VPS13B: variants seen among roughly 807,000 people sequenced by gnomAD.
The protein encoded by VPS13B is vacuolar protein sorting 13 homolog B.
Under a neutral mutation model 426.4 loss-of-function variants are expected in VPS13B, and 285 were observed. The observed-to-expected ratio is 0.67, with a 90% CI of 0.61 to 0.74. VPS13B has a LOEUF of 0.74. Among genes scored for constraint, VPS13B ranks in the 30% least tolerant of loss-of-function variants. The pLI is 0.00. For synonymous variants in VPS13B, 1,676 were observed against 1,676.4 expected (o/e 1.00, Z 0.01); for missense variants, 4,537 against 4,782.6 (o/e 0.95, Z 1.51).
chr8:99,663,189 C>T (rs777500810), intron 35 of VPS13B, among the ~76,000 whole-genome samples: 4 of 152,132 alleles, frequency 2.6e-5, no homozygotes, highest in African/African-American at 4.8e-5. Flanking sequence ...TGTGTTGTGG[C>T]GTGCTAGTGT....
intron 3 of VPS13B, among the ~76,000 whole-genome samples, chr8:99,056,341 G>A (rs964796559): frequency 4.6e-5 from 7 of 152,146 alleles, no homozygotes; most frequent in African/African-American, 7.2e-5. Flanking sequence ...GATTGCAGGC[G>A]TGAGCCATCA....
chr8:99,109,880 C>G (rs1847271414), intron 5 of VPS13B, among the ~76,000 whole-genome samples: 1 of 151,972 alleles, frequency 6.6e-6, no homozygotes, highest in African/African-American at 2.4e-5. Flanking sequence ...AGTGTAGTAT[C>G]TGAGTAATAG....
chr8:99,488,488 T>C (rs1359003495), intron 25 of VPS13B, among the ~76,000 whole-genome samples: 1 of 152,186 alleles, frequency 6.6e-6, no homozygotes, highest in Non-Finnish European at 1.5e-5. Context: ...TTCTCAGTCT[T>C]AACAATTGGC....
At chr8:99,572,764 C>T (rs1275585234) in intron 31 of VPS13B, among the ~76,000 whole-genome samples, 4 of 152,064 alleles carry the variant, frequency 2.6e-5, no homozygotes, top group African/African-American at 9.7e-5. Context: ...AGTAAACATA[C>T]GTGTGCATGT....
chr8:99,821,172 G>A (rs1180435548), intron 49 of VPS13B, 122 bp from the exon 50 acceptor site: 3 of 654,344 alleles, frequency 4.6e-6, no homozygotes, highest in African/African-American at 2.2e-5. Context: ...ACACACCATG[G>A]AGGGATATTT....
intron 33 of VPS13B, among the ~76,000 whole-genome samples, chr8:99,590,782 T>C (rs1044369206): frequency 1.7e-4 from 26 of 152,098 alleles, no homozygotes; most frequent in Non-Finnish European, 1.5e-5. Context: ...AGAATAAGTG[T>C]GATGTGATGC....
At chr8:99,675,885 A>G (rs1830913640) in intron 35 of VPS13B, among the ~76,000 whole-genome samples, 1 of 151,890 alleles carries the variant, frequency 6.6e-6, no homozygotes, top group Non-Finnish European at 1.5e-5. Context: ...CCTGAGGCTT[A>G]TTGAGTTTCC....
intron 40 of VPS13B, among the ~76,000 whole-genome samples, chr8:99,770,354 T>TAGATTCACTCTTTTTG (rs1563909424): frequency 6.7e-6 from 1 of 148,890 alleles, no homozygotes; most frequent in African/African-American, 2.5e-5. Flanking sequence ...GCCCTGGTCA[T>TAGATTCACTCTTTTTG]GCTATCCATT....
chr8:99,775,730 T>A (rs1278621450), intron 40 of VPS13B, among the ~76,000 whole-genome samples: 2 of 152,114 alleles, frequency 1.3e-5, no homozygotes, highest in Non-Finnish European at 2.9e-5. Flanking sequence ...AAACCCCATC[T>A]CTACTAAAAA....
At chr8:99,507,704 T>G in intron 28 of VPS13B, 1 of 1,608,734 alleles carries the variant, frequency 6.2e-7, no homozygotes, top group South Asian at 1.1e-5. Flanking sequence ...TCCAGATATT[T>G]TTTTGCTTAT....
Position 99,875,682 on chromosome 8 carries a change from T to C in VPS13B, c.*16T>C, listed in dbSNP as rs369670017. 8.7e-6 allele frequency: 14 copies of C among 1,613,520 alleles called. No homozygotes were observed. The highest frequency in any genetic ancestry group is 1.3e-5 in the African/African-American group (1 of 74,502). ...GTTTCCTTGAGTCCCCTCTGAGGTGTTTATTCCTGCTTGTGTGATTTAGTT... is the reference window on the plus strand; with the variant it reads ...GTTTCCTTGAGTCCCCTCTGAGGTGCTTATTCCTGCTTGTGTGATTTAGTT... On this transcript the variant is annotated 3_prime_UTR_variant, in exon 62 of 62. Transcript: ENST00000357162.
chr8:99,217,329 T>G (rs1217401582), intron 17 of VPS13B, among the ~76,000 whole-genome samples: 1 of 152,150 alleles, frequency 6.6e-6, no homozygotes. Context: ...ATGAGGAAAC[T>G]GGGGCGCAGA....
rs377731998 is a variant in VPS13B, at chr8:99,411,833, C to T, written c.3083-19704C>T. 8.2e-4 allele frequency among the ~76,000 whole-genome samples: 125 copies of T among 151,910 alleles called. 1 individual carries two copies. The South Asian group carries it at 0.016, about 20-fold the overall frequency. On this transcript the variant is annotated intron_variant, in intron 21 of 61. Transcript: ENST00000357162. ...TAAATGGGGAATTCTTTCTCCATTG[C>T]TTTTTTTTCAGGTTTGTCAAAGATC...
chr8:99,533,500 TG>T (rs1823040373), intron 30 of VPS13B, among the ~76,000 whole-genome samples: 1 of 152,210 alleles, frequency 6.6e-6, no homozygotes, highest in South Asian at 2.1e-4. Context: ...GTTCCCAATA[TG>T]AAGTAACATT....
chr8:99,347,507 C>T (rs1811604978), intron 19 of VPS13B: 1 of 152,340 alleles, frequency 6.6e-6, no homozygotes, highest in African/African-American at 2.4e-5. Context: ...GCCCCAATTT[C>T]TACACCCGTG....
chr8:99,519,915 T>C (rs1040154149), intron 29 of VPS13B, among the ~76,000 whole-genome samples: 1 of 152,016 alleles, frequency 6.6e-6, no homozygotes, highest in African/African-American at 2.4e-5. Flanking sequence ...CAAACCTGCA[T>C]GTTGTGCACA....
chr8:99,626,950 A>G (rs914673402), intron 33 of VPS13B, among the ~76,000 whole-genome samples: 2 of 152,000 alleles, frequency 1.3e-5, no homozygotes, highest in Non-Finnish European at 2.9e-5. Context: ...TAAAAAGGGG[A>G]AAATTCTGTC....
intron 19 of VPS13B, among the ~76,000 whole-genome samples, chr8:99,289,360 A>G (rs967587539): frequency 7.9e-5 from 12 of 152,124 alleles, no homozygotes; most frequent in Admixed American, 2.0e-4. Flanking sequence ...CAGTGTATCT[A>G]TAATAGGACA....
intron 3 of VPS13B, among the ~76,000 whole-genome samples, chr8:99,048,340 T>C (rs1049087029): frequency 2.0e-5 from 3 of 152,206 alleles, no homozygotes; most frequent in Middle Eastern, 3.2e-3. Context: ...TTGGATAGAA[T>C]GTTCTGTAAA....
Sources: allele counts gnomAD v4.1 joint callset (sites outside exome capture counted in the v4.1 genomes callset), GRCh38; gene constraint gnomAD v4.1.1; transcripts MANE v1.5; gene names NCBI Gene and HGNC (gene_info 2026-07-23, HGNC 2026-07-21).